Variants in USP54 observed in about 807,000 individuals in gnomAD.
USP54 encodes ubiquitin specific peptidase 54.
In USP54, 87 loss-of-function variants were observed where a neutral mutation model predicts 170.5. The observed-to-expected ratio is 0.51, with a 90% CI of 0.43 to 0.61. The LOEUF (loss-of-function observed/expected upper bound fraction) is 0.61, where lower values mean the gene tolerates loss of function less well. Among genes scored for constraint, USP54 ranks in the 20% least tolerant of loss-of-function variants. The probability of loss-of-function intolerance (pLI) is 0.00; values close to 1 mark genes in which losing one functional copy is unlikely to be tolerated. For missense variants in USP54, 1,786 were observed against 2,047.8 expected, an observed-to-expected ratio of 0.87 and a Z score of 2.47; for synonymous variants, 655 against 742.8, an observed-to-expected ratio of 0.88 and a Z score of 1.92.
intron 19 of USP54, chr10:73,518,898 GTTTTTTGTAGAGACA>G (rs1289081176): frequency 6.6e-6 from 1 of 151,596 alleles, no homozygotes; most frequent in Non-Finnish European, 1.5e-5. Flanking sequence ...AATTTTTTGT[GTTTTTTGTAGAGACA>G]GGGTTTTACC....
In USP54 at chr10:73,560,581, G is replaced by A. The variant is rs574420997; in HGVS notation, c.240+10840C>T. On this transcript the variant is annotated intron_variant, in intron 4 of 23. Transcript: ENST00000687698. ...CAGGAGGCTGAGGCAGGAGAATGGC[G>A]TGAACCCGGGAGGCAGAGCTTGCAG... Among the ~76,000 whole-genome samples, 5 of 142,714 alleles carry A rather than the reference G, an allele frequency of 3.5e-5. No individual in the cohort carries two copies. The South Asian group carries it at 6.9e-4, about 20-fold the overall frequency. 93.6% of individuals were successfully genotyped at this position (142,714 alleles called of 152,430 possible).
At chr10:73,550,376 C>T (rs1035372773) in intron 4 of USP54, among the ~76,000 whole-genome samples, 2 of 152,248 alleles carry the variant, frequency 1.3e-5, no homozygotes, top group South Asian at 2.1e-4. Context: ...GATTTTTTAT[C>T]CAAATACTAC....
intron 15 of USP54, among the ~76,000 whole-genome samples, chr10:73,527,284 G>C (rs1031676394): frequency 2.6e-5 from 4 of 152,108 alleles, no homozygotes; most frequent in African/African-American, 9.7e-5. Flanking sequence ...CGGATCATGA[G>C]ATCAAGAGAT....
chr10:73,504,850 A>C lies in USP54; in HGVS notation c.4311T>G (p.Phe1437Leu). ...REEAPVSSHSFDSSNVRKPLE... is the reference protein window; with the variant it reads ...REEAPVSSHSLDSSNVRKPLE... ...ATAGATGGACCCTGATTCTACTTAC[A>C]AAACTGTGGGAAGAAACCGGAGCTT... The change falls in exon 22 of 24, where the codon TTT becomes TTG. Residue 1437 changes from phenylalanine (F) to leucine (L), a missense_variant and splice_region_variant. Phe to Leu is a conservative substitution (Grantham distance 22). Transcript: ENST00000687698. 1 of 1,614,176 alleles carries C rather than the reference A, an allele frequency of 6.2e-7. No homozygotes were observed. Among genetic ancestry groups the C allele is most frequent in the Non-Finnish European group, 8.5e-7 (1 of 1,180,032 alleles).
intron 1 of USP54, among the ~76,000 whole-genome samples, chr10:73,579,820 T>G (rs1459491746): frequency 6.6e-6 from 1 of 152,042 alleles, no homozygotes; most frequent in African/African-American, 2.4e-5. Flanking sequence ...GCAAAAGATT[T>G]GAACATTTCA....
intron 17 of USP54, 64 bp downstream of exon 17, chr10:73,523,519 G>A: frequency 1.4e-6 from 2 of 1,461,594 alleles, no homozygotes; most frequent in Non-Finnish European, 1.8e-6. Flanking sequence ...TACAAGCTTA[G>A]ATGTTTTTTT....
At position 73,621,599 on chromosome 10, in the gene USP54, C is replaced by CAAA. The variant is rs11380656; in HGVS notation, c.-18+3965_-18+3967dup. ...TGGGCGACACAGGGACACTCCGTCT[C>CAAA]AAAAAAAAAAAAAAAAAAAACTACT... On this transcript the variant is annotated intron_variant, in intron 1 of 22. Coordinates refer to the USP54 transcript ENST00000339859. Among the ~76,000 whole-genome samples, 39 of 61,126 alleles carry CAAA rather than the reference C, an allele frequency of 6.4e-4. 1 individual carries two copies. The highest frequency in any genetic ancestry group is 1.7e-3 in the South Asian group (3 of 1,800). The allele number at this position is 61,126 out of a possible 152,430, so 40.1% of individuals were successfully genotyped here.
chr10:73,617,387 C>T (rs2080727670), intron 1 of USP54, among the ~76,000 whole-genome samples: 2 of 148,758 alleles, frequency 1.3e-5, no homozygotes, highest in Admixed American at 1.3e-4. Context: ...ACCCAGGAGG[C>T]GGAGGTTGCA....
Position 73,526,743 on chromosome 10 carries a change from A to G in USP54, c.2098T>C (p.Ser700Pro). ...TGCGACTTTGGGATATGACGCCAGG[A>G]AGGAACCAACCCAGCTGATCTCTTA... ...SAKRSAGLVP[S>P]WRHIPKSHSS... Residue 700 changes from serine (S) to proline (P), a missense_variant, in exon 16 of 24, where the codon TCC becomes CCC. By Grantham distance (74) the Ser-to-Pro change is moderately conservative. Around this residue, in one of 3 missense-constraint regions of USP54, gnomAD observed 1,418 missense variants for 1,569.0 expected, o/e 0.90. Transcript: ENST00000687698. 6.2e-7 allele frequency: 1 copy of G among 1,614,120 alleles called. No individual in the cohort carries two copies. Among genetic ancestry groups the G allele is most frequent in the South Asian group, 1.1e-5 (1 of 91,082 alleles).
intron 20 of USP54, among the ~76,000 whole-genome samples, chr10:73,515,643 C>G (rs1020774768): frequency 6.6e-6 from 1 of 152,186 alleles, no homozygotes; most frequent in African/African-American, 2.4e-5. Context: ...CCACACTGAG[C>G]ATATGGACAT....
At position 73,571,429 on chromosome 10, in the gene USP54, C is replaced by A. The variant is rs984577137; in HGVS notation, c.232G>T (p.Ala78Ser). The part of the protein sequence containing the change: ...KCMGDSCIFC[A>S]LKGIFNQFQC... Reference sequence around the variant, plus strand: ...TAATTGGAAGTACTTACCTTGAGAGCGCAAAAGATGCAGGAATCTCCCATG... The same window carrying A: ...TAATTGGAAGTACTTACCTTGAGAGAGCAAAAGATGCAGGAATCTCCCATG... Residue 78 changes from alanine to serine, a missense_variant, in exon 4 of 24, where the codon GCT (alanine) becomes TCT (serine). Coordinates refer to ENST00000687698, the MANE Select transcript of USP54 (RefSeq NM_001391956.1). The A allele has an allele frequency of 1.2e-6, 2 of 1,612,966 alleles. No individual in the cohort carries two copies. The highest frequency in any genetic ancestry group is 1.7e-6 in the Non-Finnish European group (2 of 1,179,438).
chr10:73,551,889 GC>G (rs1320030042), intron 4 of USP54, among the ~76,000 whole-genome samples: 1 of 152,134 alleles, frequency 6.6e-6, no homozygotes, highest in Non-Finnish European at 1.5e-5. Flanking sequence ...CAAGAATTAA[GC>G]CCTAATACTC....
intron 20 of USP54, chr10:73,506,753 A>G (rs1455838144): frequency 6.6e-6 from 1 of 152,208 alleles, no homozygotes; most frequent in Non-Finnish European, 1.5e-5. Flanking sequence ...AAGGTTCCCA[A>G]AAAGTCTAAG....
At position 73,516,443 on chromosome 10, in the gene USP54, T is replaced by G; in HGVS notation, c.3983A>C (p.Gln1328Pro). The change falls in exon 20 of 24, where the codon CAG becomes CCG. Residue 1328 changes from glutamine (Q) to proline (P), a missense_variant. Physicochemically the swap from Gln to Pro is moderately conservative, Grantham distance 76 (BLOSUM62 -1). This residue lies in a region of USP54 where 1,418 missense variants were observed against 1,569.0 expected (regional missense o/e 0.90). Transcript: ENST00000687698. The part of the protein sequence containing the change: ...ELESLYQASL[Q>P]ASQAGCSGWG... Reference sequence around the variant, plus strand: ...TCCAGAACAGCCAGCTTGAGAAGCCTGAAGACTGGCCTGATACAGAGACTC... The same window carrying G: ...TCCAGAACAGCCAGCTTGAGAAGCCGGAAGACTGGCCTGATACAGAGACTC... 2 of 1,614,012 alleles carry G rather than the reference T, an allele frequency of 1.2e-6. No homozygotes were observed. Among genetic ancestry groups the G allele is most frequent in the Non-Finnish European group, 1.7e-6 (2 of 1,180,022 alleles).
Position 73,516,498 on chromosome 10 carries a change from G to T in USP54, c.3928C>A (p.Gln1310Lys). 2.5e-6 allele frequency: 4 copies of T among 1,614,148 alleles called. No individual in the cohort carries two copies. The highest frequency in any genetic ancestry group is 3.4e-6 in the Non-Finnish European group (4 of 1,180,040). The change falls in exon 20 of 24, where the codon CAA becomes AAA. Residue 1310 changes from glutamine to lysine, a missense_variant. Physicochemically the swap from Gln to Lys is moderately conservative, Grantham distance 53. Around this residue, in one of 3 missense-constraint regions of USP54, gnomAD observed 1,418 missense variants for 1,569.0 expected, o/e 0.90. Coordinates refer to ENST00000687698, the MANE Select transcript of USP54 (RefSeq NM_001391956.1). ...TCTGAGGTCTCCTGCTCTGTGTCTT[G>T]GTTCCAATGTGGATGCAAAAGGATG... The part of the protein sequence containing the change: ...NHILLHPHWN[Q>K]DTEQETSELE...
At chr10:73,620,398 C>A (rs938761644) in intron 1 of USP54, among the ~76,000 whole-genome samples, 1 of 149,510 alleles carries the variant, frequency 6.7e-6, no homozygotes, top group African/African-American at 2.5e-5. Context: ...ACTGGTTGAC[C>A]GCTAAGCATT....
At chr10:73,503,367 T>G (rs1297298352) in intron 22 of USP54, among the ~76,000 whole-genome samples, 1 of 152,176 alleles carries the variant, frequency 6.6e-6, no homozygotes, top group African/African-American at 2.4e-5. Flanking sequence ...GACTGTAAGC[T>G]CCATAAAAGC....
intron 1 of USP54, among the ~76,000 whole-genome samples, chr10:73,616,248 G>A (rs1189826713): frequency 7.2e-6 from 1 of 139,306 alleles, no homozygotes; most frequent in Non-Finnish European, 1.5e-5. Flanking sequence ...TGAGGCAGGA[G>A]AACTGCTTGA....
chr10:73,620,300 G>A lies in USP54; in HGVS notation c.-18+5267C>T, dbSNP rs561972039. Among the ~76,000 whole-genome samples, 84 of 145,848 alleles carry A rather than the reference G, an allele frequency of 5.8e-4. 3 individuals carry two copies. The highest frequency in any genetic ancestry group is 9.2e-4 in the African/African-American group (34 of 36,770). On this transcript the variant is annotated intron_variant, in intron 1 of 22. Coordinates refer to the USP54 transcript ENST00000339859. Reference sequence around the variant, plus strand: ...TGCACTCTAGCCTGGGCGACAGAGCGAGACTCCATCTCAAAAAAAAAAAAG... The same window carrying A: ...TGCACTCTAGCCTGGGCGACAGAGCAAGACTCCATCTCAAAAAAAAAAAAG...
Sources: allele counts gnomAD v4.1 joint callset (sites outside exome capture counted in the v4.1 genomes callset), GRCh38; gene constraint gnomAD v4.1.1; regional missense constraint gnomAD v4.1.1; transcripts MANE v1.5; gene names NCBI Gene and HGNC (gene_info 2026-07-23, HGNC 2026-07-21).